HNRNPK: variants seen among roughly 807,000 people sequenced by gnomAD.
HNRNPK encodes dC-stretch binding protein.
A neutral mutation model predicts 67.0 loss-of-function variants in HNRNPK; 7 were observed. The observed-to-expected ratio is 0.10, with a 90% CI of 0.06 to 0.20. The LOEUF (loss-of-function observed/expected upper bound fraction) is 0.20, where lower values mean the gene tolerates loss of function less well. HNRNPK is among the 10% of genes least tolerant of loss of function. HNRNPK has a pLI of 1.00. For synonymous variants in HNRNPK, 213 were observed against 193.7 expected (o/e 1.10, Z -0.83); for missense variants, 264 against 606.5 (o/e 0.44, Z 5.93).
At chr9:83,976,699 T>C (rs1957078136) in intron 5 of HNRNPK, 8 of 253,126 alleles carry the variant, frequency 3.2e-5, no homozygotes, top group Admixed American at 5.3e-5. Flanking sequence ...TCAAGGATTT[T>C]TACACTTTGT....
At chr9:83,976,197 C>T (rs1348338286) in intron 5 of HNRNPK, among the ~76,000 whole-genome samples, 1 of 152,038 alleles carries the variant, frequency 6.6e-6, no homozygotes, top group African/African-American at 2.4e-5. Flanking sequence ...GTTCAGTTTA[C>T]AGTAATCAAG....
rs1957083990 is a variant in HNRNPK at position 83,976,786 on chromosome 9, T to G, written c.213+209A>C. 4 of 417,820 alleles carry G rather than the reference T, an allele frequency of 9.6e-6. No individual in the cohort carries two copies. In the East Asian group the frequency reaches 1.0e-4, roughly 11 times the overall value. 25.9% of individuals were successfully genotyped at this position (417,820 alleles called of 1,614,324 possible). A position where few individuals can be genotyped will look rare whatever the true frequency, so the allele number is the denominator to read the frequency against. ...GGACTCTTATTAAAATGTGAAGAGGTTTGAAAGAAACCACCCCCCCACCCT... is the reference window on the plus strand; with the variant it reads ...GGACTCTTATTAAAATGTGAAGAGGGTTGAAAGAAACCACCCCCCCACCCT... On this transcript the variant is annotated intron_variant, in intron 5 of 16. Transcript: ENST00000376263.
chr9:83,969,454 GAAAAA>G lies in HNRNPK; in HGVS notation c.1362-19_1362-15del. 1.9e-6 allele frequency: 3 copies of G among 1,548,278 alleles called. No individual in the cohort carries two copies. The highest frequency in any genetic ancestry group is 1.4e-5 in the African/African-American group (1 of 71,998). ...TACTGCTTCACACTATAAAAGAAAA[GAAAAA>G]AAAGTGCGAATTAGAATTTTTGCTC... On this transcript the variant is annotated splice_polypyrimidine_tract_variant and intron_variant, in intron 16 of 16. Coordinates refer to ENST00000376263, the MANE Select transcript of HNRNPK (RefSeq NM_031263.4).
chr9:83,976,913 T>C (rs1024320752), intron 5 of HNRNPK, 82 bp downstream of exon 5: 19 of 770,814 alleles, frequency 2.5e-5, no homozygotes, highest in African/African-American at 1.9e-4. Flanking sequence ...TATGAAATGA[T>C]TTCTAGGATG....
intron 5 of HNRNPK, among the ~76,000 whole-genome samples, chr9:83,976,148 C>T (rs1453085423): frequency 6.6e-6 from 1 of 152,072 alleles, no homozygotes; most frequent in Non-Finnish European, 1.5e-5. Flanking sequence ...TTCCTAGATC[C>T]TAACAGGCAA....
At chr9:83,973,255 AAAG>A (rs763450457) in intron 9 of HNRNPK, 28 bp downstream of exon 9, 69 of 1,264,200 alleles carry the variant, frequency 5.5e-5, no homozygotes, top group Non-Finnish European at 6.8e-5. Flanking sequence ...ACTTTCCAGC[AAAG>A]AATACGGCAG....
At chr9:83,971,083 G>A (rs1956814110) in intron 13 of HNRNPK, 171 bp from the exon 14 acceptor site, 2 of 747,772 alleles carry the variant, frequency 2.7e-6, no homozygotes, top group African/African-American at 1.8e-5. Flanking sequence ...TTGGGATTAT[G>A]AGTGAGCACC....
At position 83,977,672 on chromosome 9, in the gene HNRNPK, A is replaced by T. The variant is rs765762652; in HGVS notation, c.156+17T>A. 37 of 1,505,148 alleles carry T rather than the reference A, an allele frequency of 2.5e-5. No homozygotes were observed. In the Middle Eastern group the frequency reaches 6.8e-4, roughly 27 times the overall value. 93.2% of individuals were successfully genotyped at this position (1,505,148 alleles called of 1,614,324 possible). ...GAGTATGAACCACCTTCAAATTTTCAAGAATAAAATTTATACCTTGCTCTG... is the reference window on the plus strand; with the variant it reads ...GAGTATGAACCACCTTCAAATTTTCTAGAATAAAATTTATACCTTGCTCTG... On this transcript the variant is annotated intron_variant, in intron 4 of 16. Transcript: ENST00000376263.
chr9:83,972,400 G>A (rs971823217), intron 10 of HNRNPK: 3 of 554,068 alleles, frequency 5.4e-6, no homozygotes, highest in Non-Finnish European at 9.5e-6. Flanking sequence ...ACAAAAGTGA[G>A]TTCTATTGCC....
intron 6 of HNRNPK, 52 bp downstream of exon 6, chr9:83,975,410 T>C: frequency 6.6e-7 from 1 of 1,526,486 alleles, no homozygotes; most frequent in Non-Finnish European, 9.1e-7. Context: ...GGTAATAAAA[T>C]ACATTTCTCT....
At chr9:83,972,218 G>A in intron 10 of HNRNPK, 29 bp from the exon 11 acceptor site, 1 of 1,518,786 alleles carries the variant, frequency 6.6e-7, no homozygotes, top group South Asian at 1.3e-5. Context: ...CAAACTTACA[G>A]ACTGAAGAAA....
rs1288056138 is a variant in HNRNPK at position 83,968,735 on chromosome 9, G to T, written c.*672C>A. On this transcript the variant is annotated 3_prime_UTR_variant, in exon 17 of 17. Coordinates refer to ENST00000376263, the MANE Select transcript of HNRNPK (RefSeq NM_031263.4). The stretch of plus-strand genomic sequence containing the variant: ...CAGCAATAGACTTCCAAACCATCAA[G>T]AAATCACCAGAACTAAGTTTGCCAA... 1.3e-5 allele frequency: 2 copies of T among 152,576 alleles called. No individual in the cohort carries two copies. The highest frequency in any genetic ancestry group is 3.8e-4 in the East Asian group (2 of 5,196). The allele number at this position is 152,576 out of a possible 1,614,324, so 9.5% of individuals were successfully genotyped here.
chr9:83,974,164 G>C (rs897466131), intron 7 of HNRNPK, among the ~76,000 whole-genome samples, 191 bp from the exon 8 acceptor site: 4 of 151,860 alleles, frequency 2.6e-5, no homozygotes, highest in African/African-American at 7.3e-5. Flanking sequence ...GAATTATGTA[G>C]AGTCTTAAAA....
At position 83,978,493 on chromosome 9, in the gene HNRNPK, C is replaced by T. The variant is rs116330874; in HGVS notation, c.-107-41G>A. Reference sequence around the variant, plus strand: ...CAAATCAGTTTTGCTTTTGTTTATTCTTATTACTGAATATTTGTTTCCGAT... The same window carrying T: ...CAAATCAGTTTTGCTTTTGTTTATTTTTATTACTGAATATTTGTTTCCGAT... On this transcript the variant is annotated intron_variant, in intron 1 of 16. Transcript: ENST00000376263. 113 of 582,666 alleles carry T rather than the reference C, an allele frequency of 1.9e-4. No homozygotes were observed. The African/African-American group carries it at 2.1e-3, about 11-fold the overall frequency. The allele number at this position is 582,666 out of a possible 1,614,324, so 36.1% of individuals were successfully genotyped here.
At chr9:83,972,548 C>T (rs903016082) in intron 10 of HNRNPK, among the ~76,000 whole-genome samples, 34 of 152,284 alleles carry the variant, frequency 2.2e-4, no homozygotes, top group Middle Eastern at 6.8e-3. Flanking sequence ...AGCCTGTAAT[C>T]CATACTGAGG....
chr9:83,974,070 T>C, intron 7 of HNRNPK, 97 bp from the exon 8 acceptor site: 1 of 700,450 alleles, frequency 1.4e-6, no homozygotes, highest in Non-Finnish European at 2.4e-6. Flanking sequence ...ATTTTAAATC[T>C]ATATTATTAA....
chr9:83,976,733 T>C (rs954272346), intron 5 of HNRNPK: 7 of 327,338 alleles, frequency 2.1e-5, no homozygotes, highest in African/African-American at 2.1e-5. Context: ...TAAGATGTTA[T>C]CTTGCTTGAT....
intron 1 of HNRNPK, among the ~76,000 whole-genome samples, chr9:83,979,859 T>C (rs946865328): frequency 6.6e-6 from 1 of 152,122 alleles, no homozygotes; most frequent in Non-Finnish European, 1.5e-5. Context: ...CGGCGCGACC[T>C]TCTCCCCGCA....
intron 5 of HNRNPK, 49 bp downstream of exon 5, chr9:83,976,946 C>T (rs1554701322): frequency 1.9e-6 from 2 of 1,035,974 alleles, no homozygotes; most frequent in East Asian, 2.4e-5. Context: ...TTTCTATAGA[C>T]ATATAAACTG....
Sources: allele counts gnomAD v4.1 joint callset (sites outside exome capture counted in the v4.1 genomes callset), GRCh38; gene constraint gnomAD v4.1.1; transcripts MANE v1.5; gene names NCBI Gene and HGNC (gene_info 2026-07-23, HGNC 2026-07-21).